Variants in SLC6A5 observed in about 807,000 individuals in gnomAD.
SLC6A5 encodes the protein solute carrier family 6 member 5, also known as sodium- and chloride-dependent glycine transporter 2.
A neutral mutation model predicts 90.5 loss-of-function variants in SLC6A5; 58 were observed. That is an observed-to-expected ratio of 0.64 (90% CI 0.52 to 0.80). The LOEUF is 0.80. Ranked by LOEUF, SLC6A5 falls within the 30% of genes least tolerant of loss-of-function variation. The pLI is 0.00. For missense variants in SLC6A5, 1,015 were observed against 1,017.6 expected, an observed-to-expected ratio of 1.00 and a Z score of 0.03; for synonymous variants, 427 against 401.4, an observed-to-expected ratio of 1.06 and a Z score of -0.76.
intron 10 of SLC6A5, among the ~76,000 whole-genome samples, chr11:20,633,965 G>A (rs569226841): frequency 2.1e-4 from 32 of 152,150 alleles, no homozygotes; most frequent in African/African-American, 6.5e-4. Flanking sequence ...TCTGCCTCCC[G>A]GGTTCACACC....
chr11:20,646,518 A>G (rs1412889019), intron 13 of SLC6A5, among the ~76,000 whole-genome samples: 1 of 152,160 alleles, frequency 6.6e-6, no homozygotes, highest in Non-Finnish European at 1.5e-5. Context: ...TGCACATGTG[A>G]GATGTCAGGT....
chr11:20,642,576 A>G (rs923750657), intron 13 of SLC6A5, among the ~76,000 whole-genome samples: 1 of 152,172 alleles, frequency 6.6e-6, no homozygotes, highest in African/African-American at 2.4e-5. Context: ...GCTTGAGGTC[A>G]TACAGCAGGC....
intron 13 of SLC6A5, among the ~76,000 whole-genome samples, chr11:20,641,067 T>G (rs1019446687): frequency 6.6e-6 from 1 of 152,230 alleles, no homozygotes; most frequent in African/African-American, 2.4e-5. Flanking sequence ...GGCCAATAGC[T>G]GGCTTCGAGG....
chr11:20,607,905 C>T (rs1190750185), intron 5 of SLC6A5, among the ~76,000 whole-genome samples: 1 of 152,030 alleles, frequency 6.6e-6, no homozygotes, highest in Middle Eastern at 3.2e-3. Flanking sequence ...GTTCACAGGC[C>T]CACAAGATAG....
At chr11:20,632,396 A>T (rs1853125369) in intron 10 of SLC6A5, among the ~76,000 whole-genome samples, 1 of 152,180 alleles carries the variant, frequency 6.6e-6, no homozygotes, top group Admixed American at 6.5e-5. Context: ...GAGATATTGC[A>T]AAAACTCAAA....
intron 14 of SLC6A5, among the ~76,000 whole-genome samples, chr11:20,650,353 A>G (rs537057687): frequency 1.3e-5 from 2 of 152,256 alleles, no homozygotes; most frequent in African/African-American, 4.8e-5. Flanking sequence ...CTTTCTCTTC[A>G]GCTGCACTGG....
At chr11:20,653,200 C>A (rs556474448) in intron 15 of SLC6A5, among the ~76,000 whole-genome samples, 2 of 152,270 alleles carry the variant, frequency 1.3e-5, no homozygotes, top group African/African-American at 4.8e-5. Flanking sequence ...TCTTGAGGAT[C>A]CAGGAATCTG....
chr11:20,654,882 G>A lies in SLC6A5; in HGVS notation c.*14G>A. 1.2e-6 allele frequency: 2 copies of A among 1,613,746 alleles called. No individual in the cohort carries two copies. Among genetic ancestry groups the A allele is most frequent in the African/African-American group, 2.7e-5 (2 of 75,044 alleles). On this transcript the variant is annotated 3_prime_UTR_variant, in exon 16 of 16. Coordinates refer to ENST00000525748, the MANE Select transcript of SLC6A5 (RefSeq NM_004211.5). ...ACTCAGTGCTAGTCCAGTGGTGTGG[G>A]ATGGTCCAGACTTGATCCTGTTTTT... is the stretch of plus-strand genomic sequence containing the variant.
At chr11:20,610,190 T>C (rs1852666296) in intron 5 of SLC6A5, among the ~76,000 whole-genome samples, 1 of 152,238 alleles carries the variant, frequency 6.6e-6, no homozygotes, top group Non-Finnish European at 1.5e-5. Flanking sequence ...TCATTATCGC[T>C]GTTCTTTGTT....
chr11:20,602,535 T>C (rs1852499924), intron 2 of SLC6A5, among the ~76,000 whole-genome samples: 1 of 152,212 alleles, frequency 6.6e-6, no homozygotes, highest in Non-Finnish European at 1.5e-5. Flanking sequence ...CAACTTCAGC[T>C]CTTCCCTTCT....
At chr11:20,610,812 C>T (rs987338073) in intron 5 of SLC6A5, among the ~76,000 whole-genome samples, 1 of 152,148 alleles carries the variant, frequency 6.6e-6, no homozygotes, top group Non-Finnish European at 1.5e-5. Flanking sequence ...CGTTCAGAGA[C>T]GTTTTTAGTT....
At chr11:20,653,782 C>A (rs1400552530) in intron 15 of SLC6A5, among the ~76,000 whole-genome samples, 1 of 152,212 alleles carries the variant, frequency 6.6e-6, no homozygotes, top group Non-Finnish European at 1.5e-5. Flanking sequence ...TCCCCACCAA[C>A]TGACCCAGAA....
chr11:20,637,866 A>G (rs571420671), intron 12 of SLC6A5, among the ~76,000 whole-genome samples: 2 of 152,250 alleles, frequency 1.3e-5, no homozygotes, highest in East Asian at 3.9e-4. Flanking sequence ...GTCTTGGTAA[A>G]TTGTGTTAGC....
chr11:20,647,231 A>T (rs868389029), intron 14 of SLC6A5, among the ~76,000 whole-genome samples: 6 of 121,278 alleles, frequency 4.9e-5, no homozygotes, highest in African/African-American at 1.5e-4. Context: ...ATATAAATTT[A>T]TATATATTTA....
intron 7 of SLC6A5, among the ~76,000 whole-genome samples, chr11:20,622,915 G>A (rs1852919286): frequency 6.6e-6 from 1 of 152,192 alleles, no homozygotes; most frequent in African/African-American, 2.4e-5. Flanking sequence ...GCCTGCCCTT[G>A]TAGTATCTCA....
chr11:20,635,747 TGA>T (rs1433721695), intron 10 of SLC6A5, among the ~76,000 whole-genome samples: 1 of 152,170 alleles, frequency 6.6e-6, no homozygotes, highest in African/African-American at 2.4e-5. Context: ...TATTGACATT[TGA>T]GACAGGATAA....
At chr11:20,638,377 G>A in intron 12 of SLC6A5, 82 bp from the exon 13 acceptor site, 10 of 853,678 alleles carry the variant, frequency 1.2e-5, no homozygotes, top group Non-Finnish European at 2.0e-5. Context: ...TTTTAGGATT[G>A]AGAGAACTGG....
chr11:20,633,921 G>C (rs1302916760), intron 10 of SLC6A5, among the ~76,000 whole-genome samples: 1 of 152,126 alleles, frequency 6.6e-6, no homozygotes, highest in Admixed American at 6.5e-5. Flanking sequence ...ACCCAGGCTG[G>C]AGTGCAGTGG....
chr11:20,647,232 T>A (rs1853434037), intron 14 of SLC6A5, among the ~76,000 whole-genome samples: 3 of 125,820 alleles, frequency 2.4e-5, no homozygotes, highest in Admixed American at 8.9e-5. Flanking sequence ...TATAAATTTA[T>A]ATATATTTAT....
Sources: gnomAD v4.1 joint callset for allele counts (sites outside exome capture counted in the v4.1 genomes callset) on GRCh38, gnomAD v4.1.1 for gene constraint, MANE v1.5 for transcripts, NCBI Gene and HGNC (gene_info 2026-07-23, HGNC 2026-07-21) for gene names.